Variants in DPP10 observed in about 807,000 individuals in gnomAD.
DPP10 encodes dipeptidyl peptidase like 10.
A neutral mutation model predicts 120.9 loss-of-function variants in DPP10; 33 were observed. That is an observed-to-expected ratio of 0.27 (90% CI 0.21 to 0.37). The LOEUF is 0.37. Ranked by LOEUF, DPP10 falls within the 10% of genes least tolerant of loss-of-function variation. The pLI is 1.00. For missense variants in DPP10, 816 were observed against 942.8 expected, an observed-to-expected ratio of 0.87 and a Z score of 1.76; for synonymous variants, 337 against 326.1, an observed-to-expected ratio of 1.03 and a Z score of -0.36.
chr2:115,036,441 GTTA>G (rs1209525739), intron 1 of DPP10, among the ~76,000 whole-genome samples: 1 of 152,146 alleles, frequency 6.6e-6, no homozygotes, highest in African/African-American at 2.4e-5. Flanking sequence ...TTATTCTTAT[GTTA>G]TTATTTTGTT....
chr2:115,235,807 C>A (rs2057971254), intron 1 of DPP10, among the ~76,000 whole-genome samples: 1 of 152,116 alleles, frequency 6.6e-6, no homozygotes, highest in Non-Finnish European at 1.5e-5. Context: ...GTGATCCACC[C>A]ACCTTGGCCT....
chr2:115,076,191 T>TA (rs1380679363), intron 1 of DPP10, among the ~76,000 whole-genome samples: 2 of 152,030 alleles, frequency 1.3e-5, no homozygotes, highest in Non-Finnish European at 2.9e-5. Flanking sequence ...TAAAATATTA[T>TA]AAAAAGTATT....
At chr2:114,639,029 A>G (rs1695508455) in intron 1 of DPP10, among the ~76,000 whole-genome samples, 1 of 151,952 alleles carries the variant, frequency 6.6e-6, no homozygotes, top group Non-Finnish European at 1.5e-5. Flanking sequence ...AATTTAGTGT[A>G]GGAACACAAA....
At chr2:115,384,568 G>A (rs2066738497) in intron 3 of DPP10, among the ~76,000 whole-genome samples, 1 of 145,992 alleles carries the variant, frequency 6.8e-6, no homozygotes, top group African/African-American at 2.6e-5. Flanking sequence ...GGAAGAAGAA[G>A]AAGAAGAGGA....
At chr2:114,597,535 T>C (rs1201965769) in intron 1 of DPP10, among the ~76,000 whole-genome samples, 1 of 151,976 alleles carries the variant, frequency 6.6e-6, no homozygotes, top group Non-Finnish European at 1.5e-5. Flanking sequence ...TATTAGACAT[T>C]AGAAATGAAG....
chr2:114,460,170 T>C (rs1306617474), intron 1 of DPP10, among the ~76,000 whole-genome samples: 3 of 2,508 alleles, frequency 1.2e-3, no homozygotes, highest in African/African-American at 2.6e-3. Flanking sequence ...TTTGGGATGA[T>C]ATCTATCTAT....
Position 115,593,219 on chromosome 2 carries a change from T to C in DPP10, c.441+67247T>C, listed in dbSNP as rs76897854. ...ATTGCAGATGGGCTTTGCCTTTACG[T>C]GTGATGCAGGCAACCAGCTCTCTAA... On this transcript the variant is annotated intron_variant, in intron 5 of 25. Coordinates refer to ENST00000410059, the MANE Select transcript of DPP10 (RefSeq NM_020868.6). 6.8e-3 allele frequency among the ~76,000 whole-genome samples: 1,043 copies of C among 152,280 alleles called. 6 individuals carry two copies. The highest frequency in any genetic ancestry group is 9.8e-3 in the Non-Finnish European group (667 of 68,022).
intron 1 of DPP10, among the ~76,000 whole-genome samples, chr2:115,146,805 A>T (rs948439747): frequency 1.3e-5 from 2 of 152,162 alleles, no homozygotes; most frequent in East Asian, 3.8e-4. Context: ...AACACTTTAG[A>T]CAGGTAGCTT....
chr2:115,762,494 C>T (rs1244868006), intron 11 of DPP10, 78 bp from the exon 12 acceptor site: 22 of 1,476,994 alleles, frequency 1.5e-5, no homozygotes, highest in South Asian at 1.1e-5. Flanking sequence ...AACTGATAAC[C>T]GTGTTTTAAA....
chr2:115,637,228 T>C (rs2086412462), intron 5 of DPP10, among the ~76,000 whole-genome samples: 1 of 152,132 alleles, frequency 6.6e-6, no homozygotes, highest in Non-Finnish European at 1.5e-5. Context: ...TATGACTATA[T>C]AAAGCCAAAG....
intron 1 of DPP10, among the ~76,000 whole-genome samples, chr2:114,668,417 T>A (rs1698089346): frequency 6.6e-6 from 1 of 152,204 alleles, no homozygotes; most frequent in South Asian, 2.1e-4. Flanking sequence ...GATTGGATAA[T>A]GCCTGCCTAC....
intron 2 of DPP10, among the ~76,000 whole-genome samples, chr2:115,337,150 A>G (rs1356957466): frequency 6.6e-6 from 1 of 151,938 alleles, no homozygotes; most frequent in African/African-American, 2.4e-5. Flanking sequence ...AAGCAAAAAA[A>G]AAAAAAAAAT....
chr2:114,846,480 T>C (rs755041462), intron 1 of DPP10, among the ~76,000 whole-genome samples: 1 of 152,134 alleles, frequency 6.6e-6, no homozygotes, highest in African/African-American at 2.4e-5. Flanking sequence ...GAAAACTTAA[T>C]TGGGCTTCCA....
chr2:114,597,747 A>G (rs1231861107), intron 1 of DPP10, among the ~76,000 whole-genome samples: 1 of 151,950 alleles, frequency 6.6e-6, no homozygotes, highest in Non-Finnish European at 1.5e-5. Flanking sequence ...ACCAGATGGT[A>G]TCTTTGCCTC....
intron 1 of DPP10, among the ~76,000 whole-genome samples, chr2:114,777,346 C>T (rs1228567647): frequency 6.6e-6 from 1 of 152,088 alleles, no homozygotes; most frequent in Non-Finnish European, 1.5e-5. Context: ...TTGCACTGTA[C>T]AAATCACAAT....
intron 1 of DPP10, among the ~76,000 whole-genome samples, chr2:114,961,722 G>T (rs868792257): frequency 1.3e-5 from 2 of 152,216 alleles, no homozygotes; most frequent in South Asian, 4.2e-4. Flanking sequence ...AGGAGGCCGA[G>T]GTGGGCGGAT....
intron 1 of DPP10, among the ~76,000 whole-genome samples, chr2:114,671,714 C>T (rs1698353559): frequency 6.6e-6 from 1 of 151,908 alleles, no homozygotes; most frequent in Non-Finnish European, 1.5e-5. Context: ...CAGGATTTTG[C>T]CAGTAAACAT....
chr2:115,679,196 G>C (rs1428859800), intron 5 of DPP10, among the ~76,000 whole-genome samples: 1 of 151,850 alleles, frequency 6.6e-6, no homozygotes, highest in African/African-American at 2.4e-5. Context: ...ATGAGATGTG[G>C]GGGGGGTGCA....
At chr2:115,335,840 A>G (rs891712041) in intron 2 of DPP10, among the ~76,000 whole-genome samples, 20 of 152,040 alleles carry the variant, frequency 1.3e-4, no homozygotes, top group African/African-American at 4.6e-4. Flanking sequence ...AAATATTTAA[A>G]CTACAGCCCT....
Sources: gnomAD v4.1 joint callset for allele counts (sites outside exome capture counted in the v4.1 genomes callset) on GRCh38, gnomAD v4.1.1 for gene constraint, MANE v1.5 for transcripts, NCBI Gene and HGNC (gene_info 2026-07-23, HGNC 2026-07-21) for gene names.